The following PKIB variants were observed in gnomAD, a reference collection of about 807,000 sequenced individuals.
PKIB encodes PKI-beta.
Under a neutral mutation model 4.5 loss-of-function variants are expected in PKIB, and 2 were observed. That is an observed-to-expected ratio of 0.44 (90% CI 0.18 to 1.39). PKIB has a LOEUF of 1.39. Among genes scored for constraint, PKIB ranks in the 40% most tolerant of loss-of-function variants. The pLI, the probability that PKIB is intolerant of heterozygous loss-of-function variation, is 0.27. For missense variants in PKIB, 94 were observed against 92.6 expected (o/e 1.02, Z -0.06); for synonymous variants, 38 against 36.0 (o/e 1.06, Z -0.20).
chr6:122,616,291 A>G (rs1190346725), intron 1 of PKIB, among the ~76,000 whole-genome samples: 1 of 152,180 alleles, frequency 6.6e-6, no homozygotes, highest in Non-Finnish European at 1.5e-5. Context: ...AGAGGACATA[A>G]TAGGAGAAGG....
At chr6:122,583,475 A>G (rs1235546669) in intron 2 of PKIB, among the ~76,000 whole-genome samples, 2 of 152,164 alleles carry the variant, frequency 1.3e-5, no homozygotes, top group East Asian at 1.9e-4. Context: ...ATTATTCACA[A>G]ATGACTTTCT....
intron 3 of PKIB, among the ~76,000 whole-genome samples, chr6:122,588,966 A>G (rs1487960465): frequency 6.6e-6 from 1 of 152,156 alleles, no homozygotes. Flanking sequence ...AACTGCTGCC[A>G]AACTGATAGA....
At chr6:122,611,568 G>A (rs1197226024) in intron 1 of PKIB, among the ~76,000 whole-genome samples, 6 of 152,162 alleles carry the variant, frequency 3.9e-5, no homozygotes, top group Non-Finnish European at 1.5e-5. Context: ...CATACTGAAA[G>A]GTATTGAATT....
upstream of PKIB, among the ~76,000 whole-genome samples, chr6:122,606,727 A>G (rs1027997135): frequency 2.6e-5 from 4 of 151,430 alleles, no homozygotes; most frequent in African/African-American, 7.3e-5. Context: ...ATTTGTGGTA[A>G]TTTTTAATGG....
At chr6:122,488,619 A>G (rs969004057) in intron 2 of PKIB, among the ~76,000 whole-genome samples, 2 of 151,752 alleles carry the variant, frequency 1.3e-5, no homozygotes, top group Non-Finnish European at 2.9e-5. Flanking sequence ...TTTTTTGTAG[A>G]AATGGGGTTT....
chr6:122,650,671 G>A (rs1253674034), intron 2 of PKIB, among the ~76,000 whole-genome samples: 2 of 152,126 alleles, frequency 1.3e-5, no homozygotes, highest in Non-Finnish European at 2.9e-5. Context: ...AATTCCCACT[G>A]TAATGTCTGA....
At chr6:122,666,950 A>AT (rs529318709) in intron 2 of PKIB, among the ~76,000 whole-genome samples, 43 of 135,476 alleles carry the variant, frequency 3.2e-4, no homozygotes, top group South Asian at 6.7e-4. Context: ...TGGTACTAAT[A>AT]TTTTTTTTTT....
chr6:122,556,645 A>G (rs981356684), intron 2 of PKIB, among the ~76,000 whole-genome samples: 2 of 152,182 alleles, frequency 1.3e-5, no homozygotes, highest in African/African-American at 4.8e-5. Flanking sequence ...GAGATGCTGT[A>G]TGGAACCTCT....
At position 122,700,233 on chromosome 6, in the gene PKIB, TTAAAA is replaced by T. The variant is rs2115024193; in HGVS notation, c.-8-17552_-8-17548del. Among the ~76,000 whole-genome samples, 2 of 149,194 alleles carry T rather than the reference TTAAAA, an allele frequency of 1.3e-5. 1 individual carries two copies. The highest frequency in any genetic ancestry group is 3.0e-5 in the Non-Finnish European group (2 of 67,652). ...TCCAGGATATTTTTTTCTTTGCTTT[TTAAAA>T]TTTCTTTTCTTTCTTTTTTTTTTTT... On this transcript the variant is annotated intron_variant, in intron 3 of 4. Transcript: ENST00000368452.
intron 2 of PKIB, among the ~76,000 whole-genome samples, chr6:122,670,087 G>A (rs1220712979): frequency 2.0e-5 from 3 of 151,610 alleles, no homozygotes; most frequent in South Asian, 4.2e-4. Context: ...AGCATGACTC[G>A]CAGCAACAGA....
At chr6:122,591,032 A>C (rs1272038169) in intron 3 of PKIB, among the ~76,000 whole-genome samples, 3 of 151,926 alleles carry the variant, frequency 2.0e-5, no homozygotes, top group Non-Finnish European at 2.9e-5. Flanking sequence ...AAAAAAAAAA[A>C]CAGACAAACA....
intron 1 of PKIB, among the ~76,000 whole-genome samples, chr6:122,627,640 A>C (rs1350993923): frequency 6.6e-6 from 1 of 152,144 alleles, no homozygotes; most frequent in African/African-American, 2.4e-5. Context: ...CCCTGGCATA[A>C]ATTCTTTTGA....
At chr6:122,710,836 T>C (rs948991509) in intron 3 of PKIB, among the ~76,000 whole-genome samples, 2 of 152,002 alleles carry the variant, frequency 1.3e-5, no homozygotes, top group African/African-American at 4.8e-5. Context: ...CTCCAGTACC[T>C]CAATAAAATA....
At chr6:122,710,800 A>G (rs1220737144) in intron 3 of PKIB, among the ~76,000 whole-genome samples, 1 of 152,156 alleles carries the variant, frequency 6.6e-6, no homozygotes, top group African/African-American at 2.4e-5. Context: ...TGCTTTTTGA[A>G]TTGAACCCTA....
chr6:122,716,809 C>T (rs1156990905), intron 3 of PKIB, among the ~76,000 whole-genome samples: 4 of 152,140 alleles, frequency 2.6e-5, no homozygotes, highest in Admixed American at 2.0e-4. Context: ...CTCCATCCTT[C>T]GGTCAATACT....
chr6:122,518,650 G>A (rs71571155), intron 2 of PKIB, among the ~76,000 whole-genome samples: 3,458 of 151,698 alleles, frequency 0.023, 49 homozygotes, highest in South Asian at 0.039. Flanking sequence ...GCACATGGGA[G>A]AGGAGGAGTG....
chr6:122,708,727 G>A (rs993029902), intron 3 of PKIB, among the ~76,000 whole-genome samples: 7 of 152,034 alleles, frequency 4.6e-5, no homozygotes, highest in Admixed American at 6.6e-5. Flanking sequence ...TCCTCCTCCC[G>A]GGTTCAAGTG....
intron 3 of PKIB, among the ~76,000 whole-genome samples, chr6:122,604,467 A>G (rs1466262301): frequency 6.6e-6 from 1 of 152,218 alleles, no homozygotes; most frequent in Non-Finnish European, 1.5e-5. Context: ...AAATAAATAC[A>G]TCCCCTTGCA....
rs1773039739 is a variant in PKIB, at chr6:122,561,999, T to TTTTTTTTTTTTTTTTTTTTTTC, written c.-247-23918_-247-23917insTTTTTTTTTTTTTTTTTCTTTT. ...GTTTTTTTTTGTTTGTTTTTGTTTT[T>TTTTTTTTTTTTTTTTTTTTTTC]TTTTGTTTTTTTTTTTTTTTGCTTT... On this transcript the variant is annotated intron_variant, in intron 2 of 6. Coordinates refer to the PKIB transcript ENST00000392491. Among the ~76,000 whole-genome samples the TTTTTTTTTTTTTTTTTTTTTTC allele has an allele frequency of 1.5e-5, 2 of 131,756 alleles. 1 individual carries two copies. Among genetic ancestry groups the TTTTTTTTTTTTTTTTTTTTTTC allele is most frequent in the East Asian group, 4.4e-4 (2 of 4,514 alleles). 86.4% of individuals were successfully genotyped at this position (131,756 alleles called of 152,430 possible).
Sources: allele counts gnomAD v4.1 joint callset (sites outside exome capture counted in the v4.1 genomes callset), GRCh38; gene constraint gnomAD v4.1.1; transcripts MANE v1.5; gene names NCBI Gene and HGNC (gene_info 2026-07-23, HGNC 2026-07-21).